SMYD3: variants seen among roughly 807,000 people sequenced by gnomAD.
SMYD3 encodes the protein SET and MYND domain containing 3.
In SMYD3, 36 loss-of-function variants were observed where a neutral mutation model predicts 57.7. That is an observed-to-expected ratio of 0.62 (90% CI 0.48 to 0.82). SMYD3 has a LOEUF of 0.82. SMYD3 is among the 40% of genes least tolerant of loss of function. SMYD3 has a pLI of 0.00. For synonymous variants in SMYD3, 211 were observed against 195.0 expected (o/e 1.08, Z -0.68); for missense variants, 515 against 538.8 (o/e 0.96, Z 0.44).
rs1443529343 is a variant in SMYD3 at position 245,770,761 on chromosome 1, TA to T, written c.1077-6613del. On this transcript the variant is annotated intron_variant, in intron 10 of 11. Transcript: ENST00000490107. ...TCATAAATATGTTTGAGAACTTAAATAATATGTAAGAATTTTAGCAGAAAAA... is the reference window on the plus strand; with the variant it reads ...TCATAAATATGTTTGAGAACTTAAATATATGTAAGAATTTTAGCAGAAAAA... 2.6e-5 allele frequency among the ~76,000 whole-genome samples: 4 copies of T among 152,316 alleles called. No individual in the cohort carries two copies. In the East Asian group the frequency reaches 5.8e-4, roughly 22 times the overall value.
intron 5 of SMYD3, among the ~76,000 whole-genome samples, chr1:246,030,913 G>A (rs1237203862): frequency 1.3e-5 from 2 of 152,114 alleles, no homozygotes; most frequent in African/African-American, 4.8e-5. Context: ...CCCAGTAACA[G>A]TGATCTCATG....
intron 5 of SMYD3, among the ~76,000 whole-genome samples, chr1:246,132,351 A>G (rs2061601773): frequency 6.6e-6 from 1 of 152,136 alleles, no homozygotes; most frequent in African/African-American, 2.4e-5. Context: ...TTAGAAAACT[A>G]TATGGTCAAA....
intron 5 of SMYD3, among the ~76,000 whole-genome samples, chr1:245,943,684 G>C (rs908787497): frequency 1.3e-5 from 2 of 152,134 alleles, no homozygotes; most frequent in African/African-American, 4.8e-5. Flanking sequence ...AACAAAAAAA[G>C]AAAACTTCAG....
intron 9 of SMYD3, among the ~76,000 whole-genome samples, chr1:245,859,716 C>T (rs1345522094): frequency 6.6e-6 from 1 of 152,150 alleles, no homozygotes; most frequent in Non-Finnish European, 1.5e-5. Flanking sequence ...CACCTTCACC[C>T]AGTGGAGCTC....
intron 10 of SMYD3, among the ~76,000 whole-genome samples, chr1:245,833,070 A>AG (rs1553337059): frequency 4.4e-5 from 4 of 90,320 alleles, no homozygotes; most frequent in African/African-American, 8.5e-5. Context: ...AAAAAAAAAA[A>AG]AAAAACCTGC....
chr1:245,847,980 CACAA>C lies in SMYD3; in HGVS notation c.1076+10512_1076+10515del, dbSNP rs534066951. ...CCTAGCCCCATACATACTGGTGAAC[CACAA>C]ACAATTAAATGTTTTCCTGTTCAGG... On this transcript the variant is annotated intron_variant, in intron 10 of 11. Transcript: ENST00000490107. Among the ~76,000 whole-genome samples the C allele has an allele frequency of 1.4e-4, 22 of 152,196 alleles. 1 individual carries two copies. The highest frequency in any genetic ancestry group is 5.3e-4 in the African/African-American group (22 of 41,526).
At chr1:246,316,080 A>G (rs1043821120) in intron 5 of SMYD3, among the ~76,000 whole-genome samples, 1 of 152,218 alleles carries the variant, frequency 6.6e-6, no homozygotes, top group Non-Finnish European at 1.5e-5. Flanking sequence ...AAACAGCCAA[A>G]TCATAATTTA....
intron 5 of SMYD3, among the ~76,000 whole-genome samples, chr1:246,206,602 C>T (rs892065685): frequency 6.6e-6 from 1 of 151,926 alleles, no homozygotes; most frequent in Non-Finnish European, 1.5e-5. Flanking sequence ...AAATCAATAA[C>T]CAATTCTGTT....
intron 1 of SMYD3, among the ~76,000 whole-genome samples, chr1:246,445,005 G>A (rs1409581302): frequency 1.3e-5 from 2 of 152,172 alleles, no homozygotes; most frequent in Non-Finnish European, 2.9e-5. Flanking sequence ...TATCTCCTTG[G>A]GGCTTTGTTC....
intron 1 of SMYD3, among the ~76,000 whole-genome samples, chr1:246,362,505 T>G (rs1315386489): frequency 6.6e-6 from 1 of 151,752 alleles, no homozygotes; most frequent in Non-Finnish European, 1.5e-5. Context: ...CTCCCTCTGA[T>G]GCCGAGCCGA....
intron 5 of SMYD3, among the ~76,000 whole-genome samples, chr1:246,167,674 C>T (rs1014824524): frequency 1.3e-5 from 2 of 151,970 alleles, no homozygotes; most frequent in Non-Finnish European, 2.9e-5. Flanking sequence ...CCAGGCCTGG[C>T]TAATTTTTGT....
chr1:246,262,188 T>G (rs1003415374), intron 5 of SMYD3, among the ~76,000 whole-genome samples: 1 of 152,340 alleles, frequency 6.6e-6, no homozygotes, highest in South Asian at 2.1e-4. Flanking sequence ...TATGATATTT[T>G]TGTGTGTGTG....
chr1:246,339,385 T>C (rs2065595679), intron 2 of SMYD3, among the ~76,000 whole-genome samples: 7 of 152,200 alleles, frequency 4.6e-5, no homozygotes, highest in Admixed American at 4.6e-4. Context: ...ATTCCAATTA[T>C]GGCATTATAT....
intron 1 of SMYD3, among the ~76,000 whole-genome samples, chr1:246,367,606 T>C (rs570273008): frequency 6.6e-6 from 1 of 152,266 alleles, no homozygotes; most frequent in South Asian, 2.1e-4. Context: ...CTAATCTTTG[T>C]ATTTTAGTAG....
At chr1:246,216,202 G>C (rs915294432) in intron 5 of SMYD3, among the ~76,000 whole-genome samples, 1 of 150,912 alleles carries the variant, frequency 6.6e-6, no homozygotes, top group Admixed American at 6.6e-5. Context: ...CAGGAGAATC[G>C]CTTGAACCCG....
At chr1:245,949,825 A>ACCC (rs376505931) in intron 5 of SMYD3, among the ~76,000 whole-genome samples, 2 of 93,306 alleles carry the variant, frequency 2.1e-5, no homozygotes, top group East Asian at 4.6e-4. Context: ...AAAGAAACCC[A>ACCC]CCCCCCCCAC....
intron 5 of SMYD3, among the ~76,000 whole-genome samples, chr1:246,249,909 A>T (rs1443362531): frequency 6.6e-6 from 1 of 152,236 alleles, no homozygotes; most frequent in African/African-American, 2.4e-5. Flanking sequence ...TTTTCTTCTA[A>T]GAGCAGCTCC....
intron 5 of SMYD3, among the ~76,000 whole-genome samples, chr1:246,075,455 G>C (rs898250309): frequency 1.3e-5 from 2 of 152,160 alleles, no homozygotes; most frequent in African/African-American, 4.8e-5. Flanking sequence ...ACAGAAATGT[G>C]CTGAAAGAGA....
At chr1:245,999,792 T>A (rs1270276043) in intron 5 of SMYD3, among the ~76,000 whole-genome samples, 3 of 152,124 alleles carry the variant, frequency 2.0e-5, no homozygotes, top group Non-Finnish European at 4.4e-5. Context: ...CTCACCCAAG[T>A]CTCTCCCAGA....
Sources: gnomAD v4.1 joint callset for allele counts (sites outside exome capture counted in the v4.1 genomes callset) on GRCh38, gnomAD v4.1.1 for gene constraint, MANE v1.5 for transcripts, NCBI Gene and HGNC (gene_info 2026-07-23, HGNC 2026-07-21) for gene names.